PRTG: variants seen among roughly 807,000 people sequenced by gnomAD.
PRTG encodes the protein immunoglobulin superfamily, DCC subclass, member 5.
In PRTG, 67 loss-of-function variants were observed where a neutral mutation model predicts 122.5. The observed-to-expected ratio is 0.55, with a 90% CI of 0.45 to 0.67. The LOEUF is 0.67. Ranked by LOEUF, PRTG falls within the 30% of genes least tolerant of loss-of-function variation. PRTG has a pLI of 0.00. For synonymous variants in PRTG, 554 were observed against 501.1 expected, an observed-to-expected ratio of 1.11 and a Z score of -1.41; for missense variants, 1,435 against 1,415.4, an observed-to-expected ratio of 1.01 and a Z score of -0.22.
At chr15:55,628,197 T>G (rs1022224883) in intron 16 of PRTG, among the ~76,000 whole-genome samples, 13 of 152,092 alleles carry the variant, frequency 8.5e-5, no homozygotes, top group African/African-American at 3.1e-4. Flanking sequence ...TCAGCTGGCA[T>G]TTCCTCCATT....
rs57488285 is a variant in PRTG, at chr15:55,630,118, C to A, written c.2624-1114G>T. Among the ~76,000 whole-genome samples, 675 of 152,034 alleles carry A rather than the reference C, an allele frequency of 4.4e-3. 5 individuals are homozygous for A. The highest frequency in any genetic ancestry group is 0.016 in the African/African-American group (651 of 41,432). ...TCTCCCGCCTCAGCCTCCTGAGTAG[C>A]TGGGACTATAGGCGCCCGCCACCAT... is the stretch of plus-strand genomic sequence containing the variant. On this transcript the variant is annotated intron_variant, in intron 15 of 19. Coordinates refer to ENST00000389286, the MANE Select transcript of PRTG (RefSeq NM_173814.6).
intron 14 of PRTG, among the ~76,000 whole-genome samples, chr15:55,637,956 T>C (rs1379339371): frequency 6.6e-6 from 1 of 152,152 alleles, no homozygotes; most frequent in African/African-American, 2.4e-5. Context: ...AGCAACAAAG[T>C]CCTATGTTCA....
rs552475095 is a variant in PRTG, at chr15:55,701,726, A to G, written c.398-17795T>C. Among the ~76,000 whole-genome samples, 52 of 152,336 alleles carry G rather than the reference A, an allele frequency of 3.4e-4. 1 individual carries two copies. Among genetic ancestry groups the G allele is most frequent in the African/African-American group, 1.2e-3 (51 of 41,570 alleles). ...AATGAATAAACTGTGTTAAATTCAT[A>G]CAGTGAAGTACTACTCAGCAACAAA... On this transcript the variant is annotated intron_variant, in intron 2 of 19. Coordinates refer to ENST00000389286, the MANE Select transcript of PRTG (RefSeq NM_173814.6).
intron 15 of PRTG, among the ~76,000 whole-genome samples, chr15:55,633,139 T>A (rs552378611): frequency 1.3e-5 from 2 of 152,212 alleles, no homozygotes; most frequent in Non-Finnish European, 2.9e-5. Flanking sequence ...AATTCATGAA[T>A]TGCTGAGACA....
At chr15:55,668,065 G>A (rs940473290) in intron 11 of PRTG, among the ~76,000 whole-genome samples, 2 of 152,182 alleles carry the variant, frequency 1.3e-5, no homozygotes, top group African/African-American at 4.8e-5. Context: ...TCCAGGCTGG[G>A]TGACAGTGAG....
intron 2 of PRTG, among the ~76,000 whole-genome samples, chr15:55,729,155 T>C (rs1247109274): frequency 1.3e-5 from 2 of 152,114 alleles, no homozygotes; most frequent in African/African-American, 4.8e-5. Context: ...AAACAAAACA[T>C]GGTCTATCCA....
At chr15:55,631,122 G>A (rs1487857450) in intron 15 of PRTG, among the ~76,000 whole-genome samples, 1 of 152,086 alleles carries the variant, frequency 6.6e-6, no homozygotes, top group Non-Finnish European at 1.5e-5. Context: ...TTTCAGCTTG[G>A]CCTGAAGAGA....
chr15:55,704,146 T>C (rs1478254517), intron 2 of PRTG, among the ~76,000 whole-genome samples: 1 of 152,262 alleles, frequency 6.6e-6, no homozygotes, highest in African/African-American at 2.4e-5. Flanking sequence ...TTTTGCCAAG[T>C]GATTGCCTTA....
At chr15:55,657,462 G>GT (rs2059386678) in intron 11 of PRTG, among the ~76,000 whole-genome samples, 1 of 152,090 alleles carries the variant, frequency 6.6e-6, no homozygotes, top group Non-Finnish European at 1.5e-5. Context: ...CCAAAACTCT[G>GT]TAACTTGTTA....
At chr15:55,721,646 C>G (rs1262799245) in intron 2 of PRTG, among the ~76,000 whole-genome samples, 2 of 152,174 alleles carry the variant, frequency 1.3e-5, no homozygotes, top group African/African-American at 4.8e-5. Context: ...TTACTCCTTT[C>G]TCACACTACT....
At chr15:55,729,717 C>T (rs2031164392) in intron 2 of PRTG, among the ~76,000 whole-genome samples, 1 of 151,864 alleles carries the variant, frequency 6.6e-6, no homozygotes, top group Admixed American at 6.6e-5. Flanking sequence ...GTCCTGTTTC[C>T]ATGCAATAAT....
At position 55,627,020 on chromosome 15, in the gene PRTG, C is replaced by A. The variant is rs199840624; in HGVS notation, c.2915G>T (p.Arg972Leu). ...AATGGAAACACACCTGGCTTTACTT[C>A]GGTATATCAAGATGAGAACACAGAT... ...ILICVLILIY[R>L]SKARKSSASK... Residue 972 changes from arginine to leucine, a missense_variant, in exon 17 of 20, where the codon CGA becomes CTA. Coordinates refer to ENST00000389286, the MANE Select transcript of PRTG (RefSeq NM_173814.6). The A allele has an allele frequency of 1.9e-6, 3 of 1,605,892 alleles. No individual in the cohort carries two copies. Among genetic ancestry groups the A allele is most frequent in the Admixed American group, 3.4e-5 (2 of 58,378 alleles).
chr15:55,671,377 C>T (rs1166821820), intron 11 of PRTG, among the ~76,000 whole-genome samples: 7 of 152,224 alleles, frequency 4.6e-5, no homozygotes, highest in African/African-American at 1.7e-4. Context: ...TCATCATAAT[C>T]AAAGGGACTG....
At chr15:55,694,908 C>G (rs1462333467) in intron 2 of PRTG, among the ~76,000 whole-genome samples, 1 of 152,126 alleles carries the variant, frequency 6.6e-6, no homozygotes, top group African/African-American at 2.4e-5. Flanking sequence ...CCTCCACAGT[C>G]AGTGTTAACG....
chr15:55,692,400 G>A (rs959512186), intron 2 of PRTG, among the ~76,000 whole-genome samples: 4 of 152,162 alleles, frequency 2.6e-5, no homozygotes, highest in Non-Finnish European at 5.9e-5. Context: ...AACATCATTT[G>A]GCTCAGAGGT....
At position 55,740,395 on chromosome 15, in the gene PRTG, A is replaced by G. The variant is rs763425337; in HGVS notation, c.384T>C (p.His128=). 5 of 1,603,094 alleles carry G rather than the reference A, an allele frequency of 3.1e-6. No individual in the cohort carries two copies. Among genetic ancestry groups the G allele is most frequent in the Middle Eastern group, 1.7e-4 (1 of 6,006 alleles). ...KYGAILSQKA[H]LALSTISAFE... is the part of the protein sequence containing the mutation. ...TTAAACACTTACTTGATAAGGCAAG[A>G]TGAGCTTTTTGACTAAGAATGGCTC... The change falls in exon 2 of 20, where the codon CAT becomes CAC. Residue 128 remains histidine, a synonymous_variant. Coordinates refer to ENST00000389286, the MANE Select transcript of PRTG (RefSeq NM_173814.6).
chr15:55,638,781 A>T, intron 13 of PRTG, 105 bp from the exon 14 acceptor site: 2 of 911,260 alleles, frequency 2.2e-6, no homozygotes, highest in Non-Finnish European at 3.3e-6. Flanking sequence ...ATTTTTCATT[A>T]CCTCCTTATT....
Position 55,614,932 on chromosome 15 carries a change from A to G in PRTG, c.*5080T>C, listed in dbSNP as rs1229168705. ...ATGCCCAAATCCCTGGAACCAGTGA[A>G]TATGTTACCAAACATAGCAAAAGGA... On this transcript the variant is annotated 3_prime_UTR_variant, in exon 20 of 20. Transcript: ENST00000389286. 5 of 152,140 alleles carry G rather than the reference A, an allele frequency of 3.3e-5. No homozygotes were observed. Among genetic ancestry groups the G allele is most frequent in the Admixed American group, 6.6e-5 (1 of 15,262 alleles). The allele number at this position is 152,140 out of a possible 1,614,324, so 9.4% of individuals were successfully genotyped here.
chr15:55,639,998 C>T (rs192066134), intron 12 of PRTG, 170 bp from the exon 13 acceptor site: 37 of 977,584 alleles, frequency 3.8e-5, no homozygotes, highest in African/African-American at 1.2e-4. Context: ...ACAGCTCTTC[C>T]GTGAGTTATA....
Sources: allele counts gnomAD v4.1 joint callset (sites outside exome capture counted in the v4.1 genomes callset), GRCh38; gene constraint gnomAD v4.1.1; transcripts MANE v1.5; gene names NCBI Gene and HGNC (gene_info 2026-07-23, HGNC 2026-07-21).